DMXL2: variants seen among roughly 807,000 people sequenced by gnomAD.
DMXL2 encodes the protein Dmx like 2, also known as dmX-like protein 2.
DMXL2 carries 103 observed loss-of-function variants against 331.1 expected under a neutral mutation model. That is an observed-to-expected ratio of 0.31 (90% confidence interval 0.27 to 0.37). The LOEUF (loss-of-function observed/expected upper bound fraction) is 0.37. Ranked by LOEUF, DMXL2 falls within the 10% of genes least tolerant of loss-of-function variation. DMXL2 has a pLI of 1.00. For synonymous variants in DMXL2, 1,281 were observed against 1,252.1 expected (o/e 1.02, Z -0.49); for missense variants, 3,171 against 3,642.9 (o/e 0.87, Z 3.33).
intron 6 of DMXL2, among the ~76,000 whole-genome samples, chr15:51,554,565 GTC>G (rs1278241161): frequency 2.0e-5 from 3 of 152,162 alleles, no homozygotes; most frequent in Non-Finnish European, 2.9e-5. Context: ...TTCTTCACGT[GTC>G]TCTACATTTC....
intron 1 of DMXL2, among the ~76,000 whole-genome samples, chr15:51,609,141 T>C (rs1016237681): frequency 2.0e-5 from 3 of 151,854 alleles, no homozygotes; most frequent in Admixed American, 1.3e-4. Context: ...AGCAAAAGAA[T>C]AGAAACAGAA....
At chr15:51,543,819 A>G (rs183892221) in intron 8 of DMXL2, among the ~76,000 whole-genome samples, 76 of 152,246 alleles carry the variant, frequency 5.0e-4, no homozygotes, top group Middle Eastern at 3.4e-3. Context: ...ATTTACTTAT[A>G]TTTCTGTTCT....
chr15:51,491,705 G>A lies in DMXL2; in HGVS notation c.4826C>T (p.Ala1609Val). 6.2e-7 allele frequency: 1 copy of A among 1,610,412 alleles called. No individual in the cohort carries two copies. The highest frequency in any genetic ancestry group is 8.5e-7 in the Non-Finnish European group (1 of 1,179,048). Residue 1609 changes from alanine (A) to valine (V), a missense_variant, in exon 20 of 44, where the codon GCT (alanine) becomes GTT (valine). Around this residue, in one of 7 missense-constraint regions of DMXL2, gnomAD observed 252 missense variants for 387.4 expected, o/e 0.65. Coordinates refer to ENST00000560891, the MANE Select transcript of DMXL2 (RefSeq NM_001378457.1). ...AATCATATTAATCAGTTCTTCTTCA[G>A]CCTCAGAATGAAAAGCCCAGGCAAA... ...CHFAWAFHSEAEEELINMIPA... is the reference protein window; with the variant it reads ...CHFAWAFHSEVEEELINMIPA...
intron 1 of DMXL2, among the ~76,000 whole-genome samples, chr15:51,597,867 ATCTG>A (rs1230221888): frequency 1.3e-5 from 2 of 152,192 alleles, no homozygotes; most frequent in Non-Finnish European, 2.9e-5. Context: ...CCTGATTTCA[ATCTG>A]TCTTTTTGTG....
intron 18 of DMXL2, among the ~76,000 whole-genome samples, chr15:51,498,223 G>C (rs1488808283): frequency 1.3e-5 from 2 of 152,064 alleles, no homozygotes; most frequent in East Asian, 3.9e-4. Flanking sequence ...TTGGGCAACA[G>C]AGCAAGACCC....
chr15:51,576,559 G>A (rs541994728), intron 1 of DMXL2, among the ~76,000 whole-genome samples: 1 of 151,988 alleles, frequency 6.6e-6, no homozygotes, highest in African/African-American at 2.4e-5. Context: ...GACTGTAACT[G>A]TGTTCCCAGG....
chr15:51,536,284 T>G lies in DMXL2; in HGVS notation c.2196A>C (p.Pro732=). The change falls in exon 12 of 44, where the codon CCA becomes CCC. Residue 732 remains proline (P), a synonymous_variant. Transcript: ENST00000560891. ...CTCCAGTGTATGACAAAGGTCCTAT[T>G]GGGTCTACACGCCACAGAATAAGTT... The part of the protein sequence containing the change: ...YSELILWRVD[P]IGPLSYTGGV... The G allele has an allele frequency of 1.2e-6, 2 of 1,614,052 alleles. No homozygotes were observed. The highest frequency in any genetic ancestry group is 1.7e-6 in the Non-Finnish European group (2 of 1,179,932).
rs138029870 is a variant in DMXL2 at position 51,580,939 on chromosome 15, A to AT, written c.88-4759dup. 9.6e-3 allele frequency among the ~76,000 whole-genome samples: 1,450 copies of AT among 151,774 alleles called. 18 individuals carry two copies. Among genetic ancestry groups the AT allele is most frequent in the African/African-American group, 0.034 (1,380 of 41,042 alleles). Reference sequence around the variant, plus strand: ...GTTTTCAACCTGAAGTCTAATAGACATAAGTCATAGATGGCCTCAGTAGGT... The same window carrying AT: ...GTTTTCAACCTGAAGTCTAATAGACATTAAGTCATAGATGGCCTCAGTAGGT... On this transcript the variant is annotated intron_variant, in intron 1 of 43. Coordinates refer to ENST00000560891, the MANE Select transcript of DMXL2 (RefSeq NM_001378457.1).
intron 19 of DMXL2, among the ~76,000 whole-genome samples, chr15:51,492,744 A>C (rs1433145077): frequency 2.0e-5 from 3 of 152,208 alleles, no homozygotes; most frequent in Non-Finnish European, 4.4e-5. Flanking sequence ...AAAGAAGCCA[A>C]ACTAGTCCAA....
intron 6 of DMXL2, among the ~76,000 whole-genome samples, chr15:51,553,359 A>C (rs1203052501): frequency 1.3e-5 from 2 of 152,232 alleles, no homozygotes; most frequent in African/African-American, 4.8e-5. Context: ...ATGCACTATC[A>C]ATTTTACGTA....
chr15:51,545,165 C>G lies in DMXL2; in HGVS notation c.930+418G>C, dbSNP rs190327172. Among the ~76,000 whole-genome samples, 285 of 152,102 alleles carry G rather than the reference C, an allele frequency of 1.9e-3. 5 individuals carry two copies. In the South Asian group the frequency reaches 0.041, roughly 22 times the overall value. ...CTTTATTCTTAAGGAACAAAATAGT[C>G]ATTTTTAACTAGAACAATAAGATTT... is the stretch of plus-strand genomic sequence containing the variant. On this transcript the variant is annotated intron_variant, in intron 8 of 43. Transcript: ENST00000560891.
chr15:51,450,246 G>A lies in DMXL2; in HGVS notation c.8850C>T (p.Asp2950=), dbSNP rs201770251. 3.7e-5 allele frequency: 60 copies of A among 1,613,984 alleles called. No individual in the cohort carries two copies. In the South Asian group the frequency reaches 5.6e-4, roughly 15 times the overall value. Residue 2950 remains aspartate (D), a synonymous_variant, in exon 43 of 44, where the codon GAC becomes GAT. Coordinates refer to ENST00000560891, the MANE Select transcript of DMXL2 (RefSeq NM_001378457.1). ...GGRKGHVCIF[D]IRQRQLIHTF... ...TGTGAATGAGCTGCCTTTGCCTGATGTCAAAAATGCAGACGTGTCCTTTCC... is the reference window on the plus strand; with the variant it reads ...TGTGAATGAGCTGCCTTTGCCTGATATCAAAAATGCAGACGTGTCCTTTCC...
Position 51,560,530 on chromosome 15 carries a change from A to C in DMXL2, c.567+2851T>G, listed in dbSNP as rs1055141929. On this transcript the variant is annotated intron_variant, in intron 6 of 43. Coordinates refer to ENST00000560891, the MANE Select transcript of DMXL2 (RefSeq NM_001378457.1). ...AAAAAAAAAAAAAAAAAAAAAAAAA[A>C]ACTAGCCAGATGTGATGGTACACAC... Among the ~76,000 whole-genome samples, 1,098 of 148,792 alleles carry C rather than the reference A, an allele frequency of 7.4e-3. 11 individuals are homozygous for C. Among genetic ancestry groups the C allele is most frequent in the African/African-American group, 0.026 (1,054 of 40,246 alleles).
At chr15:51,471,123 A>G in intron 29 of DMXL2, 100 bp downstream of exon 29, 1 of 1,167,204 alleles carries the variant, frequency 8.6e-7, no homozygotes, top group South Asian at 1.8e-5. Flanking sequence ...TGGTGATTCA[A>G]TCCAAAAGCT....
intron 14 of DMXL2, among the ~76,000 whole-genome samples, chr15:51,515,935 C>T (rs939483935): frequency 1.3e-5 from 2 of 152,070 alleles, no homozygotes; most frequent in African/African-American, 2.4e-5. Flanking sequence ...AAAGGTGGGG[C>T]ACTGGGGATT....
At chr15:51,592,655 C>G (rs577769936) in intron 1 of DMXL2, among the ~76,000 whole-genome samples, 4 of 152,246 alleles carry the variant, frequency 2.6e-5, no homozygotes, top group South Asian at 2.1e-4. Flanking sequence ...AAATGTTAAG[C>G]GCAGCCAGAG....
chr15:51,551,110 C>T (rs2049189753), intron 6 of DMXL2, among the ~76,000 whole-genome samples: 1 of 148,816 alleles, frequency 6.7e-6, no homozygotes, highest in African/African-American at 2.5e-5. Flanking sequence ...ACAGATTGTA[C>T]CAAAAAAAAA....
intron 39 of DMXL2, 115 bp from the exon 40 acceptor site, chr15:51,455,343 G>C (rs944676569): frequency 2.0e-5 from 17 of 870,828 alleles, no homozygotes; most frequent in Non-Finnish European, 2.9e-5. Flanking sequence ...CTCTAACTAT[G>C]TTTCTGTTGC....
Position 51,449,144 on chromosome 15 carries a change from T to G in DMXL2, c.9017A>C (p.His3006Pro). The G allele has an allele frequency of 6.2e-7, 1 of 1,614,172 alleles. No homozygotes were observed. Among genetic ancestry groups the G allele is most frequent in the Non-Finnish European group, 8.5e-7 (1 of 1,180,032 alleles). Residue 3006 changes from histidine to proline, a missense_variant, in exon 44 of 44, where the codon CAT (histidine) becomes CCT (proline). By Grantham distance (77) the His-to-Pro change is moderately conservative (BLOSUM62 -2). Coordinates refer to ENST00000560891, the MANE Select transcript of DMXL2 (RefSeq NM_001378457.1). ...GTTTCGAAATATGGACTGCTTAGCA[T>G]GTTCACTTTTAAATGAATGAATTAG... ...HGLIHSFKSEHAKQSIFRNIG... is the reference protein window; with the variant it reads ...HGLIHSFKSEPAKQSIFRNIG...
Sources: gnomAD v4.1 joint callset for allele counts (sites outside exome capture counted in the v4.1 genomes callset) on GRCh38, gnomAD v4.1.1 for gene constraint, gnomAD v4.1.1 regional missense constraint, MANE v1.5 for transcripts, NCBI Gene and HGNC (gene_info 2026-07-23, HGNC 2026-07-21) for gene names.